The following MAGI3 variants were observed in gnomAD, a reference collection of about 807,000 sequenced individuals.
MAGI3 encodes membrane-associated guanylate kinase, WW and PDZ domain-containing protein 3.
In MAGI3, 43 loss-of-function variants were observed where a neutral mutation model predicts 121.8. The observed-to-expected ratio is 0.35, with a 90% CI of 0.28 to 0.46. The LOEUF (loss-of-function observed/expected upper bound fraction) is 0.46, where lower values mean the gene tolerates loss of function less well. Ranked by LOEUF, MAGI3 falls within the 20% of genes least tolerant of loss-of-function variation. MAGI3 has a pLI of 1.00. For missense variants in MAGI3, 1,547 were observed against 1,797.3 expected (o/e 0.86, Z 2.52); for synonymous variants, 553 against 639.3 (o/e 0.86, Z 2.04).
At chr1:113,623,162 G>T (rs1480224593) in intron 9 of MAGI3, among the ~76,000 whole-genome samples, 168 bp downstream of exon 9, 1 of 151,588 alleles carries the variant, frequency 6.6e-6, no homozygotes. Context: ...AGTTGTATGG[G>T]TATACAGTAG....
chr1:113,589,928 T>C (rs899195788), intron 4 of MAGI3, among the ~76,000 whole-genome samples: 5 of 152,114 alleles, frequency 3.3e-5, no homozygotes, highest in African/African-American at 1.2e-4. Context: ...ATTACTATTA[T>C]TTAAAGGCCA....
rs1344223596 is a variant in MAGI3, at chr1:113,561,661, C to T, written c.433+12030C>T. Among the ~76,000 whole-genome samples the T allele has an allele frequency of 6.6e-5, 10 of 152,180 alleles. No homozygotes were observed. The East Asian group carries it at 1.5e-3, about 23-fold the overall frequency. ...GACAGACCCACAGCCAATATCATAC[C>T]GAATGGGCAAAAGCTGGAACCATTC... On this transcript the variant is annotated intron_variant, in intron 2 of 20. Transcript: ENST00000307546.
intron 19 of MAGI3, among the ~76,000 whole-genome samples, chr1:113,674,129 C>T (rs182347770): frequency 1.5e-3 from 228 of 152,290 alleles, no homozygotes; most frequent in African/African-American, 5.3e-3. Flanking sequence ...CGGTGGCTCA[C>T]GCCTGTAATC....
intron 1 of MAGI3, among the ~76,000 whole-genome samples, chr1:113,430,461 T>C (rs148794949): frequency 6.3e-4 from 96 of 152,334 alleles, no homozygotes; most frequent in Non-Finnish European, 1.1e-3. Flanking sequence ...AAGTCATATA[T>C]GGCATTTGGC....
intron 1 of MAGI3, among the ~76,000 whole-genome samples, chr1:113,523,626 C>T (rs1272114267): frequency 6.6e-6 from 1 of 152,108 alleles, no homozygotes; most frequent in Non-Finnish European, 1.5e-5. Flanking sequence ...TTTAGTGTAT[C>T]TGGTGGAAGA....
At chr1:113,449,548 GT>G in intron 1 of MAGI3, among the ~76,000 whole-genome samples, 1 of 152,246 alleles carries the variant, frequency 6.6e-6, no homozygotes, top group East Asian at 1.9e-4. Flanking sequence ...CCAGAACAGA[GT>G]AGATCCTGGA....
intron 1 of MAGI3, among the ~76,000 whole-genome samples, chr1:113,481,790 A>C (rs1278305981): frequency 6.6e-6 from 1 of 152,208 alleles, no homozygotes; most frequent in African/African-American, 2.4e-5. Flanking sequence ...GACTTGAACA[A>C]CACAAATTTC....
chr1:113,607,974 C>T (rs1649888500), intron 6 of MAGI3, among the ~76,000 whole-genome samples: 1 of 152,170 alleles, frequency 6.6e-6, no homozygotes, highest in Non-Finnish European at 1.5e-5. Flanking sequence ...CTGTGTCTAC[C>T]TGGCTCATAC....
intron 1 of MAGI3, among the ~76,000 whole-genome samples, chr1:113,496,661 T>TA (rs1391182266): frequency 6.6e-6 from 1 of 152,188 alleles, no homozygotes; most frequent in Non-Finnish European, 1.5e-5. Context: ...TTTACCTTTT[T>TA]AAAAAAACCA....
At chr1:113,605,693 G>C (rs1442449917) in intron 6 of MAGI3, among the ~76,000 whole-genome samples, 1 of 151,946 alleles carries the variant, frequency 6.6e-6, no homozygotes, top group African/African-American at 2.4e-5. Flanking sequence ...TCTGCCTCCT[G>C]GGTTCAAGCG....
intron 7 of MAGI3, among the ~76,000 whole-genome samples, chr1:113,619,380 C>G (rs532233133): frequency 1.6e-4 from 25 of 152,134 alleles, no homozygotes; most frequent in Admixed American, 4.6e-4. Context: ...AAATTAAAAC[C>G]CTTCTATCAT....
rs533269903 is a variant in MAGI3, at chr1:113,423,396, C to T, written c.316+32047C>T. On this transcript the variant is annotated intron_variant, in intron 1 of 20. Transcript: ENST00000307546. The stretch of plus-strand genomic sequence containing the variant: ...ACGCCATTCTCCTGCCTCAGCCTCT[C>T]GAGTAGCTGGGACTACAGGCGCCCG... Among the ~76,000 whole-genome samples the T allele has an allele frequency of 1.1e-4, 17 of 151,982 alleles. No individual in the cohort carries two copies. The South Asian group carries it at 1.2e-3, about 11-fold the overall frequency.
At chr1:113,518,743 A>T (rs1251055980) in intron 1 of MAGI3, among the ~76,000 whole-genome samples, 1 of 152,134 alleles carries the variant, frequency 6.6e-6, no homozygotes, top group Non-Finnish European at 1.5e-5. Context: ...ATAGAAAAAC[A>T]TGTGTATTGT....
At chr1:113,565,527 C>G (rs184360113) in intron 2 of MAGI3, among the ~76,000 whole-genome samples, 29 of 152,222 alleles carry the variant, frequency 1.9e-4, no homozygotes, top group Non-Finnish European at 3.4e-4. Context: ...AGCACTGAAG[C>G]TTGTAACAAA....
chr1:113,476,845 G>C (rs1655847708), intron 1 of MAGI3, among the ~76,000 whole-genome samples: 1 of 152,120 alleles, frequency 6.6e-6, no homozygotes, highest in Admixed American at 6.5e-5. Context: ...CGTTATTATT[G>C]TGTGGGAGTC....
At chr1:113,537,548 G>A (rs1337704726) in intron 1 of MAGI3, among the ~76,000 whole-genome samples, 3 of 152,164 alleles carry the variant, frequency 2.0e-5, no homozygotes, top group South Asian at 2.1e-4. Context: ...GATAGCTCAC[G>A]TAAACTGGGG....
At chr1:113,489,175 C>A (rs1024997311) in intron 1 of MAGI3, among the ~76,000 whole-genome samples, 4 of 151,582 alleles carry the variant, frequency 2.6e-5, no homozygotes, top group South Asian at 2.1e-4. Context: ...TTAGGCCCCC[C>A]CCGACCCCAG....
At chr1:113,507,322 T>C (rs1657381977) in intron 1 of MAGI3, among the ~76,000 whole-genome samples, 1 of 152,188 alleles carries the variant, frequency 6.6e-6, no homozygotes, top group Non-Finnish European at 1.5e-5. Context: ...GCATGGCATA[T>C]TATATTTTAT....
intron 5 of MAGI3, among the ~76,000 whole-genome samples, chr1:113,591,514 C>T (rs893869961): frequency 6.6e-6 from 1 of 152,068 alleles, no homozygotes; most frequent in African/African-American, 2.4e-5. Context: ...CAATTCCGTA[C>T]CCTTCCAAAA....
Sources: gnomAD v4.1 joint callset for allele counts (sites outside exome capture counted in the v4.1 genomes callset) on GRCh38, gnomAD v4.1.1 for gene constraint, MANE v1.5 for transcripts, NCBI Gene and HGNC (gene_info 2026-07-23, HGNC 2026-07-21) for gene names.